The following NUFIP1 variants were observed in gnomAD, a reference collection of about 807,000 sequenced individuals.
The protein encoded by NUFIP1 is FMR1-interacting protein NUFIP1.
Under a neutral mutation model 56.2 loss-of-function variants are expected in NUFIP1, and 38 were observed. The observed-to-expected ratio is 0.68, with a 90% CI of 0.52 to 0.89. The LOEUF (loss-of-function observed/expected upper bound fraction) is 0.89, where lower values mean the gene tolerates loss of function less well. NUFIP1 is among the 40% of genes least tolerant of loss of function. The probability of loss-of-function intolerance (pLI) is 0.00; values close to 1 mark genes in which losing one functional copy is unlikely to be tolerated. For synonymous variants in NUFIP1, 215 were observed against 212.4 expected (o/e 1.01, Z -0.10); for missense variants, 567 against 605.8 (o/e 0.94, Z 0.67).
intron 6 of NUFIP1, among the ~76,000 whole-genome samples, chr13:44,963,357 G>T (rs143722460): frequency 1.2e-4 from 18 of 152,224 alleles, no homozygotes; most frequent in African/African-American, 3.6e-4. Context: ...TATAGAAATA[G>T]AGTTGATTTT....
chr13:44,963,781 GTC>G (rs1004414099), intron 6 of NUFIP1, among the ~76,000 whole-genome samples: 1 of 151,962 alleles, frequency 6.6e-6, no homozygotes, highest in Admixed American at 6.6e-5. Context: ...TAGGATTTTT[GTC>G]TCTCTGCTCA....
At chr13:44,977,323 G>C (rs1377246663) in intron 5 of NUFIP1, among the ~76,000 whole-genome samples, 1 of 152,242 alleles carries the variant, frequency 6.6e-6, no homozygotes, top group Non-Finnish European at 1.5e-5. Context: ...AAAGGAGGTA[G>C]TAAATAATGC....
intron 5 of NUFIP1, among the ~76,000 whole-genome samples, chr13:44,978,318 G>C (rs1338145889): frequency 6.6e-6 from 1 of 152,130 alleles, no homozygotes; most frequent in Non-Finnish European, 1.5e-5. Flanking sequence ...AATGTAACCT[G>C]CTGCTCATAA....
intron 1 of NUFIP1, among the ~76,000 whole-genome samples, chr13:44,984,728 C>CT (rs1377190483): frequency 1.3e-5 from 2 of 152,038 alleles, no homozygotes; most frequent in Non-Finnish European, 2.9e-5. Flanking sequence ...TATTATTATA[C>CT]TTTAAGTTTT....
rs756311088 is a variant in NUFIP1 at position 44,982,084 on chromosome 13, T to C, written c.483A>G (p.Lys161=). The C allele has an allele frequency of 6.6e-7, 1 of 1,504,252 alleles. No homozygotes were observed. Among genetic ancestry groups the C allele is most frequent in the South Asian group, 1.5e-5 (1 of 66,904 alleles). 93.2% of individuals were successfully genotyped at this position (1,504,252 alleles called of 1,614,324 possible). Residue 161 remains lysine (K), a synonymous_variant, in exon 2 of 10, where the codon AAA becomes AAG. Transcript: ENST00000379161. The part of the protein sequence containing the change: ...FTDFSLPPSR[K]QKKKKRKEPV... ...ATCTTTCAAATACCTTTTTTTTCTG[T>C]TTTCTACTGGGAGGTAAGCTGAAGT...
Position 44,941,243 on chromosome 13 carries a change from C to A in NUFIP1, c.1451G>T (p.Gly484Val), listed in dbSNP as rs781130574. 1 of 1,608,960 alleles carries A rather than the reference C, an allele frequency of 6.2e-7. No individual in the cohort carries two copies. Among genetic ancestry groups the A allele is most frequent in the Non-Finnish European group, 8.5e-7 (1 of 1,177,138 alleles). ...ACTTTTCGCAGAATTAGTATCCAGT[C>A]CAAAAAAGTCTTTTTTGATGATGTA... Reference protein sequence around the residue: ...VRYIIKKDFFGLDTNSAKSKD... With the variant: ...VRYIIKKDFFVLDTNSAKSKD... Residue 484 changes from glycine (G) to valine (V), a missense_variant, in exon 10 of 10, where the codon GGA becomes GTA. Transcript: ENST00000379161.
At chr13:44,949,072 C>T (rs1012018925) in intron 8 of NUFIP1, among the ~76,000 whole-genome samples, 18 of 152,068 alleles carry the variant, frequency 1.2e-4, no homozygotes, top group African/African-American at 2.2e-4. Flanking sequence ...GCTATAAACA[C>T]GTTATAACAA....
chr13:44,946,849 A>T (rs915455408), intron 8 of NUFIP1, among the ~76,000 whole-genome samples: 1 of 152,164 alleles, frequency 6.6e-6, no homozygotes, highest in Non-Finnish European at 1.5e-5. Flanking sequence ...AAAACTCCCT[A>T]TGTGTCAATA....
chr13:44,967,339 C>A (rs1450843778), intron 5 of NUFIP1, among the ~76,000 whole-genome samples: 2 of 151,754 alleles, frequency 1.3e-5, no homozygotes, highest in Non-Finnish European at 2.9e-5. Context: ...GAAACCCCAT[C>A]CTATTAAAAA....
intron 7 of NUFIP1, among the ~76,000 whole-genome samples, chr13:44,956,101 G>A (rs1317837160): frequency 2.9e-5 from 4 of 139,586 alleles, no homozygotes; most frequent in East Asian, 2.1e-4. Flanking sequence ...CCGAGATTGC[G>A]CCACTGCACT....
At chr13:44,988,513 T>A (rs528683001) in intron 1 of NUFIP1, among the ~76,000 whole-genome samples, 1 of 152,304 alleles carries the variant, frequency 6.6e-6, no homozygotes, top group East Asian at 1.9e-4. Context: ...GTTTTATCTC[T>A]CTCCATGCCA....
At chr13:44,952,262 T>C (rs186070935) in intron 7 of NUFIP1, among the ~76,000 whole-genome samples, 95 of 152,252 alleles carry the variant, frequency 6.2e-4, no homozygotes, top group Non-Finnish European at 9.0e-4. Context: ...GTAGCTGGAA[T>C]TACAGGCACG....
intron 9 of NUFIP1, among the ~76,000 whole-genome samples, chr13:44,942,865 C>T (rs1870788360): frequency 6.6e-6 from 1 of 151,428 alleles, no homozygotes; most frequent in Non-Finnish European, 1.5e-5. Flanking sequence ...ACTTGGGAGG[C>T]TGGGGCAGTA....
chr13:44,947,426 A>G (rs920236529), intron 8 of NUFIP1, among the ~76,000 whole-genome samples: 4 of 151,788 alleles, frequency 2.6e-5, no homozygotes, highest in African/African-American at 7.3e-5. Context: ...TTTAGTAGAG[A>G]TGGGGTTTCA....
chr13:44,976,666 A>G (rs1871992190), intron 5 of NUFIP1, among the ~76,000 whole-genome samples: 1 of 152,198 alleles, frequency 6.6e-6, no homozygotes, highest in African/African-American at 2.4e-5. Context: ...TTCCTATGTC[A>G]AACTACTTCA....
chr13:44,951,743 T>C (rs551808652), intron 7 of NUFIP1, among the ~76,000 whole-genome samples: 9 of 152,340 alleles, frequency 5.9e-5, no homozygotes, highest in African/African-American at 2.2e-4. Flanking sequence ...TCAGGGCATA[T>C]AAAAGTTATG....
At chr13:44,948,593 A>T (rs1222586576) in intron 8 of NUFIP1, among the ~76,000 whole-genome samples, 1 of 152,174 alleles carries the variant, frequency 6.6e-6, no homozygotes, top group Admixed American at 6.5e-5. Context: ...AAATAAAATG[A>T]CCACACAGAG....
Position 44,980,727 on chromosome 13 carries a change from T to C in NUFIP1, c.589A>G (p.Thr197Ala). Residue 197 changes from threonine (T) to alanine (A), a missense_variant, in exon 3 of 10, where the codon ACA (threonine) becomes GCA (alanine). By Grantham distance (58) the Thr-to-Ala change is moderately conservative (BLOSUM62 0). Transcript: ENST00000379161. ...GGACAACTAAGAAAACCTACTTTTG[T>C]ATGTTCAGACATGTGTTTGTCATAC... is the stretch of plus-strand genomic sequence containing the variant. ...EKYDKHMSEHTKCPELDCSFT... is the reference protein window; with the variant it reads ...EKYDKHMSEHAKCPELDCSFT... The C allele has an allele frequency of 6.3e-7, 1 of 1,592,710 alleles. No individual in the cohort carries two copies. The highest frequency in any genetic ancestry group is 2.2e-5 in the East Asian group (1 of 44,456).
chr13:44,958,253 C>T (rs1374189616), intron 7 of NUFIP1, among the ~76,000 whole-genome samples: 1 of 152,102 alleles, frequency 6.6e-6, no homozygotes, highest in African/African-American at 2.4e-5. Flanking sequence ...TAGGTTGATG[C>T]AAAAGTAACT....
Sources: allele counts gnomAD v4.1 joint callset (sites outside exome capture counted in the v4.1 genomes callset), GRCh38; gene constraint gnomAD v4.1.1; transcripts MANE v1.5; gene names NCBI Gene and HGNC (gene_info 2026-07-23, HGNC 2026-07-21).